COMMD1: variants seen among roughly 807,000 people sequenced by gnomAD.
The protein encoded by COMMD1 is copper metabolism domain containing 1, also known as COMM domain-containing protein 1.
COMMD1 carries 10 observed loss-of-function variants against 17.2 expected under a neutral mutation model. The ratio of observed to expected loss-of-function variants is 0.58; its 90% CI spans 0.36 to 0.99. The LOEUF (loss-of-function observed/expected upper bound fraction) is 0.99. COMMD1 is among the 50% of genes least tolerant of loss of function. COMMD1 has a pLI of 0.01. For synonymous variants in COMMD1, 97 were observed against 91.6 expected, an observed-to-expected ratio of 1.06 and a Z score of -0.34; for missense variants, 270 against 231.8, an observed-to-expected ratio of 1.17 and a Z score of -1.07.
intron 2 of COMMD1, among the ~76,000 whole-genome samples, chr2:62,047,084 G>T (rs1220217926): frequency 6.6e-6 from 1 of 152,138 alleles, no homozygotes; most frequent in Non-Finnish European, 1.5e-5. Context: ...TTACAATCTG[G>T]TTGGGAAGAC....
intron 1 of COMMD1, among the ~76,000 whole-genome samples, chr2:61,891,966 G>A (rs1468279312): frequency 6.6e-6 from 1 of 151,134 alleles, no homozygotes; most frequent in African/African-American, 2.4e-5. Flanking sequence ...TGAGTAGCTG[G>A]GACTACAGGC....
At chr2:61,908,427 A>G (rs1409783608) in intron 1 of COMMD1, among the ~76,000 whole-genome samples, 1 of 151,604 alleles carries the variant, frequency 6.6e-6, no homozygotes. Flanking sequence ...GGGTTTCACC[A>G]TGTTGGCCGG....
intron 2 of COMMD1, among the ~76,000 whole-genome samples, chr2:62,083,002 T>C (rs1344666076): frequency 1.3e-5 from 2 of 152,214 alleles, no homozygotes; most frequent in East Asian, 1.9e-4. Context: ...CTCACACCTG[T>C]TATTCCAGCA....
chr2:62,113,868 C>T (rs1672520819), intron 2 of COMMD1, among the ~76,000 whole-genome samples: 1 of 152,172 alleles, frequency 6.6e-6, no homozygotes, highest in South Asian at 2.1e-4. Flanking sequence ...ATTTGTGTTA[C>T]AGTATTTTTA....
At chr2:61,925,601 C>A (rs572701501) in intron 1 of COMMD1, among the ~76,000 whole-genome samples, 2 of 152,130 alleles carry the variant, frequency 1.3e-5, no homozygotes, top group African/African-American at 4.8e-5. Context: ...AGTCTGCTGG[C>A]TTCACCGTGG....
At chr2:61,959,928 A>G (rs1450516202) in intron 1 of COMMD1, among the ~76,000 whole-genome samples, 1 of 152,088 alleles carries the variant, frequency 6.6e-6, no homozygotes, top group Non-Finnish European at 1.5e-5. Context: ...TTTACACTTT[A>G]CCCGATTGGC....
intron 2 of COMMD1, among the ~76,000 whole-genome samples, chr2:62,069,102 A>G (rs1671132495): frequency 6.6e-6 from 1 of 152,140 alleles, no homozygotes; most frequent in Admixed American, 6.5e-5. Flanking sequence ...AAAGGCAGAT[A>G]TTTTATATTC....
At position 62,135,943 on chromosome 2, in the gene COMMD1, G is replaced by C; in HGVS notation, c.*2G>C. ...ACACTGATCAGCCAGCCTAACTGAA[G>C]ATGATGTATGAAGGAGTTGGAGTTG... On this transcript the variant is annotated 3_prime_UTR_variant, in exon 3 of 3. Coordinates refer to ENST00000311832, the MANE Select transcript of COMMD1 (RefSeq NM_152516.4). The C allele has an allele frequency of 6.8e-7, 1 of 1,464,472 alleles. No individual in the cohort carries two copies. The highest frequency in any genetic ancestry group is 9.6e-7 in the Non-Finnish European group (1 of 1,043,200). The allele number at this position is 1,464,472 out of a possible 1,614,324, so 90.7% of individuals were successfully genotyped here.
intron 2 of COMMD1, among the ~76,000 whole-genome samples, chr2:62,042,614 C>A (rs555383396): frequency 7.2e-5 from 11 of 152,276 alleles, no homozygotes; most frequent in African/African-American, 2.6e-4. Context: ...CCCTCCACAC[C>A]TCCCCGCGAG....
chr2:62,099,524 G>C (rs892958670), intron 2 of COMMD1, among the ~76,000 whole-genome samples: 1 of 151,642 alleles, frequency 6.6e-6, no homozygotes, highest in East Asian at 1.9e-4. Context: ...ACTGGGGACC[G>C]CTCTCCTTGC....
intron 2 of COMMD1, among the ~76,000 whole-genome samples, chr2:62,091,072 A>G (rs1017886183): frequency 1.3e-5 from 2 of 152,198 alleles, no homozygotes; most frequent in African/African-American, 2.4e-5. Context: ...ATTGTAGGCC[A>G]TTGCTTCATA....
chr2:61,962,321 G>A (rs1671362790), intron 1 of COMMD1, among the ~76,000 whole-genome samples: 1 of 152,152 alleles, frequency 6.6e-6, no homozygotes, highest in African/African-American at 2.4e-5. Context: ...CTAGGACAGA[G>A]GCTTTAAATC....
chr2:62,127,705 C>T (rs554740881), intron 2 of COMMD1, among the ~76,000 whole-genome samples: 6 of 152,238 alleles, frequency 3.9e-5, no homozygotes, highest in East Asian at 1.9e-4. Context: ...CCATTCCTCA[C>T]GCCTTATATA....
intron 1 of COMMD1, among the ~76,000 whole-genome samples, chr2:61,915,927 C>T (rs1489632468): frequency 2.0e-5 from 3 of 151,968 alleles, no homozygotes; most frequent in African/African-American, 7.3e-5. Context: ...CTGCCTCAGC[C>T]TCCTAAAGTG....
intron 1 of COMMD1, among the ~76,000 whole-genome samples, chr2:61,995,791 GAGAGTGA>G (rs889706025): frequency 3.8e-4 from 58 of 152,274 alleles, no homozygotes; most frequent in Middle Eastern, 3.4e-3. Flanking sequence ...TCTGTAAGTT[GAGAGTGA>G]AGAGCACTAT....
intron 2 of COMMD1, among the ~76,000 whole-genome samples, chr2:62,134,682 G>A (rs981942460): frequency 1.3e-5 from 2 of 152,016 alleles, no homozygotes; most frequent in African/African-American, 4.8e-5. Flanking sequence ...GGAGGCTGAG[G>A]TGGGAGGATC....
chr2:61,963,268 T>C (rs114321612), intron 1 of COMMD1, among the ~76,000 whole-genome samples: 1,797 of 151,878 alleles, frequency 0.012, 40 homozygotes, highest in African/African-American at 0.042. Context: ...TTTGTAAGTA[T>C]AGGACTTTCC....
At chr2:62,048,795 A>G (rs1407317220) in intron 2 of COMMD1, among the ~76,000 whole-genome samples, 1 of 152,054 alleles carries the variant, frequency 6.6e-6, no homozygotes, top group African/African-American at 2.4e-5. Flanking sequence ...GAGTATTTGG[A>G]AAACATTTCT....
At chr2:62,092,033 C>T (rs561777908) in intron 2 of COMMD1, among the ~76,000 whole-genome samples, 25 of 152,246 alleles carry the variant, frequency 1.6e-4, no homozygotes, top group African/African-American at 5.5e-4. Context: ...ATGATATGGG[C>T]TTTGCCTGCA....
Sources: allele counts gnomAD v4.1 joint callset (sites outside exome capture counted in the v4.1 genomes callset), GRCh38; gene constraint gnomAD v4.1.1; transcripts MANE v1.5; gene names NCBI Gene and HGNC (gene_info 2026-07-23, HGNC 2026-07-21).